The following UBXN2A variants were observed in gnomAD, a reference collection of about 807,000 sequenced individuals.
The protein encoded by UBXN2A is UBX domain-containing protein 2A.
In UBXN2A, 28 loss-of-function variants were observed where a neutral mutation model predicts 28.4. The observed-to-expected ratio is 0.99, with a 90% CI of 0.73 to 1.35. UBXN2A has a LOEUF of 1.35. Ranked by LOEUF, UBXN2A falls within the 40% of genes most tolerant of loss-of-function variation. UBXN2A has a pLI of 0.00. For synonymous variants in UBXN2A, 97 were observed against 103.6 expected, an observed-to-expected ratio of 0.94 and a Z score of 0.39; for missense variants, 253 against 297.9, an observed-to-expected ratio of 0.85 and a Z score of 1.11.
chr2:23,963,110 A>G (rs1707006141), intron 2 of UBXN2A, among the ~76,000 whole-genome samples: 1 of 152,174 alleles, frequency 6.6e-6, no homozygotes, highest in South Asian at 2.1e-4. Flanking sequence ...CATGGGAAAG[A>G]CTTGCTCCCA....
intron 1 of UBXN2A, among the ~76,000 whole-genome samples, chr2:23,953,958 C>T (rs1244130458): frequency 6.6e-6 from 1 of 152,166 alleles, no homozygotes. Context: ...CCATTGATAT[C>T]ATTGCCTAGA....
chr2:23,937,882 A>G (rs1375789902), upstream of UBXN2A, among the ~76,000 whole-genome samples: 1 of 152,194 alleles, frequency 6.6e-6, no homozygotes, highest in Non-Finnish European at 1.5e-5. Context: ...AGTGTACTAC[A>G]CATCTAGGCA....
At chr2:23,968,322 A>G (rs1279223737) in intron 2 of UBXN2A, among the ~76,000 whole-genome samples, 2 of 152,178 alleles carry the variant, frequency 1.3e-5, no homozygotes, top group African/African-American at 4.8e-5. Context: ...ATAGTTCTTT[A>G]TAAGATGTCA....
chr2:23,971,528 AC>A, intron 3 of UBXN2A, 114 bp downstream of exon 3: 1 of 1,210,606 alleles, frequency 8.3e-7, no homozygotes. Context: ...TTTCTCTGTC[AC>A]CCAGACTGGA....
At chr2:23,961,174 C>A (rs755546414) in intron 2 of UBXN2A, among the ~76,000 whole-genome samples, 9 of 151,862 alleles carry the variant, frequency 5.9e-5, no homozygotes, top group Non-Finnish European at 7.4e-5. Flanking sequence ...TGGCTCACTG[C>A]AACCTCTGCC....
chr2:23,946,486 A>ATTT (rs150762434), intron 1 of UBXN2A, among the ~76,000 whole-genome samples: 1 of 149,978 alleles, frequency 6.7e-6, no homozygotes, highest in Non-Finnish European at 1.5e-5. Context: ...ATACCTGGCT[A>ATTT]TTTTTTTTTG....
intron 6 of UBXN2A, among the ~76,000 whole-genome samples, chr2:23,985,602 G>GGTT (rs1708093527): frequency 6.9e-6 from 1 of 144,380 alleles, no homozygotes; most frequent in South Asian, 2.2e-4. Context: ...TGTCTAGACA[G>GGTT]TTTTTTTTTT....
chr2:23,952,484 G>A (rs554527503), intron 1 of UBXN2A, among the ~76,000 whole-genome samples: 76 of 151,198 alleles, frequency 5.0e-4, no homozygotes, highest in African/African-American at 1.6e-3. Context: ...TTTCCCTGTC[G>A]CCCAGGCTGG....
intron 3 of UBXN2A, among the ~76,000 whole-genome samples, chr2:23,972,261 C>T (rs1260586844): frequency 6.6e-6 from 1 of 152,134 alleles, no homozygotes; most frequent in African/African-American, 2.4e-5. Flanking sequence ...CCACTGAATC[C>T]AAAAATCCAA....
At chr2:23,974,549 T>C (rs1401775000) in intron 3 of UBXN2A, among the ~76,000 whole-genome samples, 2 of 151,406 alleles carry the variant, frequency 1.3e-5, no homozygotes, top group Non-Finnish European at 2.9e-5. Flanking sequence ...GATTTCACCA[T>C]GTTAGCCAGG....
chr2:23,957,964 C>T (rs924350107), intron 1 of UBXN2A, among the ~76,000 whole-genome samples: 42 of 152,334 alleles, frequency 2.8e-4, no homozygotes, highest in South Asian at 1.0e-3. Flanking sequence ...TTTACCCAGA[C>T]TGGTCTTGAA....
rs144019318 is a variant in UBXN2A, at chr2:23,981,751, G to A, written c.288-1145G>A. Among the ~76,000 whole-genome samples, 592 of 151,832 alleles carry A rather than the reference G, an allele frequency of 3.9e-3. 3 individuals carry two copies. The highest frequency in any genetic ancestry group is 0.014 in the African/African-American group (564 of 41,420). The stretch of plus-strand genomic sequence containing the variant: ...TTTACAAAAAATACAAAAATTAGCC[G>A]GGCATGGTGGCCTATAGTCCCCGCT... On this transcript the variant is annotated intron_variant, in intron 4 of 6. Coordinates refer to ENST00000309033, the MANE Select transcript of UBXN2A (RefSeq NM_181713.4).
chr2:23,977,949 A>G (rs1179422764), intron 4 of UBXN2A, among the ~76,000 whole-genome samples: 2 of 151,986 alleles, frequency 1.3e-5, no homozygotes, highest in Non-Finnish European at 2.9e-5. Flanking sequence ...CTTGTGCCTC[A>G]GCCTCCCGAG....
At chr2:23,970,903 T>C (rs566942791) in intron 2 of UBXN2A, among the ~76,000 whole-genome samples, 1 of 152,196 alleles carries the variant, frequency 6.6e-6, no homozygotes, top group South Asian at 2.1e-4. Flanking sequence ...CAGGTGGTAA[T>C]GTGAGCGATG....
At chr2:23,951,127 C>T (rs1416788610) in intron 1 of UBXN2A, among the ~76,000 whole-genome samples, 1 of 151,930 alleles carries the variant, frequency 6.6e-6, no homozygotes, top group African/African-American at 2.4e-5. Flanking sequence ...GTTGTGAGAA[C>T]ATTTAAAACC....
At chr2:23,982,784 T>A in intron 4 of UBXN2A, 112 bp from the exon 5 acceptor site, 1 of 1,121,904 alleles carries the variant, frequency 8.9e-7, no homozygotes, top group Non-Finnish European at 1.2e-6. Context: ...TTGTATAGAA[T>A]ATTATATATT....
At chr2:23,928,652 T>A (rs1460327736) in intron 1 of UBXN2A, among the ~76,000 whole-genome samples, 1 of 152,080 alleles carries the variant, frequency 6.6e-6, no homozygotes, top group African/African-American at 2.4e-5. Flanking sequence ...TTAAACTGTT[T>A]ATTAAACTAA....
At chr2:23,966,098 C>A (rs1707149959) in intron 2 of UBXN2A, among the ~76,000 whole-genome samples, 1 of 152,072 alleles carries the variant, frequency 6.6e-6, no homozygotes, top group African/African-American at 2.4e-5. Flanking sequence ...GCCAGAGTGC[C>A]CCAGTTTTCT....
At chr2:23,930,661 C>T (rs979049674) in intron 1 of UBXN2A, among the ~76,000 whole-genome samples, 8 of 151,934 alleles carry the variant, frequency 5.3e-5, no homozygotes, top group African/African-American at 1.7e-4. Context: ...GCATTCAAGA[C>T]CAGCCTGCGC....
Sources: gnomAD v4.1 joint callset for allele counts (sites outside exome capture counted in the v4.1 genomes callset) on GRCh38, gnomAD v4.1.1 for gene constraint, MANE v1.5 for transcripts, NCBI Gene and HGNC (gene_info 2026-07-23, HGNC 2026-07-21) for gene names.